ADK: variants seen among roughly 807,000 people sequenced by gnomAD.
The protein encoded by ADK is adenosine kinase.
ADK carries 24 observed loss-of-function variants against 44.7 expected under a neutral mutation model. The ratio of observed to expected loss-of-function variants is 0.54; its 90% CI spans 0.39 to 0.76. The LOEUF (loss-of-function observed/expected upper bound fraction) is 0.76, where lower values mean the gene tolerates loss of function less well. Among genes scored for constraint, ADK ranks in the 30% least tolerant of loss-of-function variants. The pLI, the probability that ADK is intolerant of heterozygous loss-of-function variation, is 0.00. For synonymous variants in ADK, 128 were observed against 142.6 expected, an observed-to-expected ratio of 0.90 and a Z score of 0.73; for missense variants, 321 against 425.1, an observed-to-expected ratio of 0.76 and a Z score of 2.15.
At chr10:74,372,018 C>A in intron 4 of ADK, 1 of 776,138 alleles carries the variant, frequency 1.3e-6, no homozygotes, top group South Asian at 1.3e-5. Context: ...CATTGCCATT[C>A]TATGCAACAA....
intron 4 of ADK, among the ~76,000 whole-genome samples, chr10:74,375,966 C>A (rs1410912167): frequency 1.3e-5 from 2 of 151,538 alleles, no homozygotes; most frequent in Admixed American, 6.6e-5. Context: ...AAAAACTTTT[C>A]TTTTTTTCCC....
At chr10:74,528,352 A>G (rs1336871800) in intron 7 of ADK, 1 of 168,882 alleles carries the variant, frequency 5.9e-6, no homozygotes, top group African/African-American at 2.4e-5. Context: ...TGGAAAATGT[A>G]TTTAGAATCA....
chr10:74,350,385 C>T (rs995334051), intron 4 of ADK, among the ~76,000 whole-genome samples: 10 of 151,904 alleles, frequency 6.6e-5, no homozygotes, highest in Non-Finnish European at 1.2e-4. Context: ...AAAGAGAAAA[C>T]GTACCAAAAT....
chr10:74,185,050 A>G (rs1343291582), intron 1 of ADK, among the ~76,000 whole-genome samples: 1 of 152,224 alleles, frequency 6.6e-6, no homozygotes, highest in East Asian at 1.9e-4. Flanking sequence ...TTAAAAAGAG[A>G]TAATAGCGAT....
intron 5 of ADK, among the ~76,000 whole-genome samples, chr10:74,395,524 A>G (rs1334185135): frequency 1.3e-5 from 2 of 152,068 alleles, no homozygotes; most frequent in African/African-American, 2.4e-5. Flanking sequence ...GAAATATGGG[A>G]TTCAGGGATT....
At chr10:74,495,589 A>G (rs983798762) in intron 6 of ADK, among the ~76,000 whole-genome samples, 11 of 152,196 alleles carry the variant, frequency 7.2e-5, no homozygotes, top group African/African-American at 2.2e-4. Context: ...CAGAAGGGCT[A>G]TTTGGTATGT....
intron 6 of ADK, among the ~76,000 whole-genome samples, chr10:74,488,104 T>C (rs911466875): frequency 2.6e-5 from 4 of 151,994 alleles, no homozygotes; most frequent in Non-Finnish European, 5.9e-5. Flanking sequence ...ATATCTTCAC[T>C]GTGGAACATT....
At chr10:74,489,987 C>T (rs1052540822) in intron 6 of ADK, among the ~76,000 whole-genome samples, 12 of 150,566 alleles carry the variant, frequency 8.0e-5, no homozygotes. Flanking sequence ...TCACAAATAG[C>T]ATATATCCGT....
intron 2 of ADK, among the ~76,000 whole-genome samples, chr10:74,213,730 C>T (rs1419126470): frequency 2.0e-5 from 3 of 152,000 alleles, no homozygotes; most frequent in Admixed American, 6.6e-5. Context: ...CTAAAAGGGT[C>T]CCCTGTATTT....
chr10:74,191,827 T>C (rs1397823468), intron 1 of ADK, among the ~76,000 whole-genome samples: 2 of 152,246 alleles, frequency 1.3e-5, no homozygotes, highest in African/African-American at 4.8e-5. Flanking sequence ...TGTATAGTTC[T>C]ATAAAGTTTT....
At chr10:74,537,779 T>C (rs982430023) in intron 7 of ADK, among the ~76,000 whole-genome samples, 6 of 152,076 alleles carry the variant, frequency 3.9e-5, no homozygotes. Context: ...ACCACTTAAC[T>C]CCACAGTGAA....
intron 9 of ADK, among the ~76,000 whole-genome samples, chr10:74,635,675 G>A (rs577888904): frequency 1.3e-5 from 2 of 152,248 alleles, no homozygotes; most frequent in Non-Finnish European, 2.9e-5. Flanking sequence ...TACGTTGGCT[G>A]CAGGCTAGAC....
At chr10:74,270,917 T>G (rs10740423) in intron 3 of ADK, among the ~76,000 whole-genome samples, 3 of 151,746 alleles carry the variant, frequency 2.0e-5, no homozygotes, top group Non-Finnish European at 2.9e-5. Flanking sequence ...TAAAAAGTTT[T>G]TTACGGCATT....
chr10:74,397,188 A>T (rs1843548650), intron 5 of ADK, among the ~76,000 whole-genome samples: 4 of 152,020 alleles, frequency 2.6e-5, no homozygotes, highest in Admixed American at 2.0e-4. Context: ...GTATATGAAT[A>T]TGTTGATGCA....
chr10:74,541,795 C>CT, intron 7 of ADK, among the ~76,000 whole-genome samples: 1 of 19,336 alleles, frequency 5.2e-5, no homozygotes, highest in Admixed American at 4.4e-4. Flanking sequence ...CCCCCACACA[C>CT]CCCCCCCCCC....
chr10:74,644,046 A>G (rs546816268), intron 9 of ADK, among the ~76,000 whole-genome samples: 34 of 152,198 alleles, frequency 2.2e-4, no homozygotes, highest in African/African-American at 6.5e-4. Flanking sequence ...TAGGACTTCA[A>G]TGCCTTCAAA....
intron 6 of ADK, among the ~76,000 whole-genome samples, chr10:74,463,329 A>T (rs979294252): frequency 2.0e-5 from 3 of 152,158 alleles, no homozygotes; most frequent in African/African-American, 7.2e-5. Flanking sequence ...ATAATGTAGA[A>T]TCAGTGGGAG....
intron 3 of ADK, among the ~76,000 whole-genome samples, chr10:74,298,611 A>T (rs939092595): frequency 6.6e-6 from 1 of 152,072 alleles, no homozygotes; most frequent in African/African-American, 2.4e-5. Context: ...TAAAAAGAGT[A>T]TTGAGGATTT....
chr10:74,222,013 T>A (rs1430910512), intron 2 of ADK, among the ~76,000 whole-genome samples: 3 of 151,866 alleles, frequency 2.0e-5, no homozygotes, highest in African/African-American at 7.3e-5. Flanking sequence ...AAGCCAAAAT[T>A]GACGAATTAA....
Sources: gnomAD v4.1 joint callset for allele counts (sites outside exome capture counted in the v4.1 genomes callset) on GRCh38, gnomAD v4.1.1 for gene constraint, MANE v1.5 for transcripts, NCBI Gene and HGNC (gene_info 2026-07-23, HGNC 2026-07-21) for gene names.